AK8: variants seen among roughly 807,000 people sequenced by gnomAD.
The protein encoded by AK8 is adenylate kinase 8, also known as ATP-AMP transphosphorylase 8.
A neutral mutation model predicts 54.6 loss-of-function variants in AK8; 44 were observed. That is an observed-to-expected ratio of 0.81 (90% CI 0.63 to 1.04). The LOEUF (loss-of-function observed/expected upper bound fraction) is 1.04, where lower values mean the gene tolerates loss of function less well. Among genes scored for constraint, AK8 ranks in the 50% least tolerant of loss-of-function variants. The probability of loss-of-function intolerance (pLI) is 0.00; values close to 1 mark genes in which losing one functional copy is unlikely to be tolerated. For synonymous variants in AK8, 239 were observed against 245.6 expected (o/e 0.97, Z 0.25); for missense variants, 555 against 613.6 (o/e 0.90, Z 1.01).
intron 5 of AK8, among the ~76,000 whole-genome samples, chr9:132,847,224 T>C (rs1842787086): frequency 1.3e-5 from 2 of 152,160 alleles, no homozygotes; most frequent in Admixed American, 6.5e-5. Flanking sequence ...GATCATAGCA[T>C]CTTCAAAGGA....
intron 9 of AK8, among the ~76,000 whole-genome samples, chr9:132,819,979 A>T (rs1056790023): frequency 6.6e-6 from 1 of 151,794 alleles, no homozygotes; most frequent in African/African-American, 2.4e-5. Context: ...GGCAACATAG[A>T]GAGATTCCCG....
intron 11 of AK8, among the ~76,000 whole-genome samples, chr9:132,772,869 C>CAGGGTGG (rs1839044211): frequency 6.6e-6 from 1 of 152,228 alleles, no homozygotes; most frequent in East Asian, 1.9e-4. Flanking sequence ...TCACCACCTC[C>CAGGGTGG]ACAGCTACCA....
At chr9:132,878,491 G>A (rs1306317280), upstream of AK8, 3 of 1,208,408 alleles carry the variant, frequency 2.5e-6, no homozygotes, top group East Asian at 6.7e-5. This position sits in a 1 kb window ranked among gnomAD's most constrained non-coding sequence, Gnocchi z 4.7. Flanking sequence ...ATCTTAGCGG[G>A]GGACACCCTC....
chr9:132,780,302 T>A (rs558869895), intron 11 of AK8, among the ~76,000 whole-genome samples: 1 of 152,306 alleles, frequency 6.6e-6, no homozygotes, highest in South Asian at 2.1e-4. Context: ...CTTCCAGACC[T>A]GAGGGGACAG....
In AK8 at chr9:132,725,707, A is replaced by T. The variant is rs1414455772; in HGVS notation, c.1421T>A (p.Leu474Gln). The change falls in exon 13 of 13, where the codon CTG (leucine) becomes CAG (glutamine). Residue 474 changes from leucine (L) to glutamine (Q), a missense_variant. By Grantham distance (113) the Leu-to-Gln change is moderately radical. Coordinates refer to ENST00000298545, the MANE Select transcript of AK8 (RefSeq NM_152572.3). ...AACCCATCAGGGGATTTTCTTGGGC[A>T]GGGGATTAATGATCCCACTCTCGAT... The part of the protein sequence containing the change: ...EYIESGIINP[L>Q]PKKIP 6.3e-7 allele frequency: 1 copy of T among 1,576,986 alleles called. No homozygotes were observed. Among genetic ancestry groups the T allele is most frequent in the South Asian group, 1.2e-5 (1 of 86,366 alleles).
At chr9:132,828,146 A>G (rs530817390) in intron 6 of AK8, 62 bp from the exon 7 acceptor site, 3 of 1,431,094 alleles carry the variant, frequency 2.1e-6, no homozygotes, top group East Asian at 5.0e-5. Flanking sequence ...ACACATTTGA[A>G]TATCACAGAC....
At chr9:132,755,549 C>G (rs1838147395) in intron 11 of AK8, among the ~76,000 whole-genome samples, 1 of 152,214 alleles carries the variant, frequency 6.6e-6, no homozygotes, top group African/African-American at 2.4e-5. Flanking sequence ...TCTTCAGAGC[C>G]TGCACCGTGT....
chr9:132,872,869 T>C (rs3011263), intron 2 of AK8, among the ~76,000 whole-genome samples: 54,446 of 152,198 alleles, frequency 0.36, 11,801 homozygotes, highest in South Asian at 0.58. Flanking sequence ...TGCAGTGCAG[T>C]GGCGTGATCT....
chr9:132,826,847 T>C lies in AK8; in HGVS notation c.757+7A>G. The C allele has an allele frequency of 6.2e-7, 1 of 1,614,132 alleles. No homozygotes were observed. The highest frequency in any genetic ancestry group is 8.5e-7 in the Non-Finnish European group (1 of 1,179,970). ...TGTCCAGGGTGGGGCTGCCTGCTTGTGTTTACCCTGGTAGAAGACGTCCAC... is the reference window on the plus strand; with the variant it reads ...TGTCCAGGGTGGGGCTGCCTGCTTGCGTTTACCCTGGTAGAAGACGTCCAC... On this transcript the variant is annotated splice_region_variant and intron_variant, in intron 8 of 12. Coordinates refer to ENST00000298545, the MANE Select transcript of AK8 (RefSeq NM_152572.3). This position sits in a 1 kb window ranked among gnomAD's most constrained non-coding sequence, Gnocchi z 4.5.
intron 9 of AK8, among the ~76,000 whole-genome samples, chr9:132,821,726 C>CAA (rs1554797716): frequency 1.0e-5 from 1 of 99,822 alleles, no homozygotes; most frequent in African/African-American, 4.6e-5. Flanking sequence ...TATGTATATA[C>CAA]ATATATGTAT....
At chr9:132,787,930 G>C (rs1839785219) in intron 11 of AK8, among the ~76,000 whole-genome samples, 1 of 152,042 alleles carries the variant, frequency 6.6e-6, no homozygotes, top group Non-Finnish European at 1.5e-5. Context: ...AGAAAGCCAA[G>C]GGGAATTCCT....
chr9:132,798,035 G>A (rs1840259793), intron 10 of AK8, among the ~76,000 whole-genome samples: 1 of 152,204 alleles, frequency 6.6e-6, no homozygotes, highest in Non-Finnish European at 1.5e-5. Context: ...GGGGCTGCGT[G>A]GCTAAGGAAC....
At position 132,799,084 on chromosome 9, in the gene AK8, G is replaced by A. The variant is rs557192678; in HGVS notation, c.980-6309C>T. ...ACATCCAGCTCCAGAGCTGATGGGT[G>A]TGAGTAGGGAAGGGCTCGGAGAGAG... On this transcript the variant is annotated intron_variant, in intron 10 of 12. Transcript: ENST00000298545. The surrounding 1 kb of genome is among the most constrained non-coding windows in gnomAD (Gnocchi z 5.0). Among the ~76,000 whole-genome samples, 1 of 152,298 alleles carries A rather than the reference G, an allele frequency of 6.6e-6. No individual in the cohort carries two copies. The highest frequency in any genetic ancestry group is 2.1e-4 in the South Asian group (1 of 4,828).
chr9:132,803,447 C>T lies in AK8; in HGVS notation c.980-10672G>A, dbSNP rs1840560318. 6.6e-6 allele frequency among the ~76,000 whole-genome samples: 1 copy of T among 152,136 alleles called. No individual in the cohort carries two copies. Among genetic ancestry groups the T allele is most frequent in the Non-Finnish European group, 1.5e-5 (1 of 68,036 alleles). The stretch of plus-strand genomic sequence containing the variant: ...GACTTGCTGTGAGTACCATTACTAC[C>T]ACTAAGATGATGACGATGGCAACTC... On this transcript the variant is annotated intron_variant, in intron 10 of 12. Transcript: ENST00000298545. This position sits in a 1 kb window ranked among gnomAD's most constrained non-coding sequence, Gnocchi z 4.4.
chr9:132,777,454 C>T (rs2131112492), intron 11 of AK8, among the ~76,000 whole-genome samples: 1 of 152,306 alleles, frequency 6.6e-6, no homozygotes, highest in Non-Finnish European at 1.5e-5. Context: ...CACCGGTGTT[C>T]CTTGCCCCTG....
At position 132,791,705 on chromosome 9, in the gene AK8, G is replaced by A. The variant is rs930650597; in HGVS notation, c.1121+929C>T. Among the ~76,000 whole-genome samples the A allele has an allele frequency of 3.9e-5, 6 of 152,168 alleles. No individual in the cohort carries two copies. Among genetic ancestry groups the A allele is most frequent in the African/African-American group, 1.4e-4 (6 of 41,430 alleles). Reference sequence around the variant, plus strand: ...TATTGAGAGACTAAACACACAGTTTGATGATGGTCAGACCATATATAAAAA... The same window carrying A: ...TATTGAGAGACTAAACACACAGTTTAATGATGGTCAGACCATATATAAAAA... On this transcript the variant is annotated intron_variant, in intron 11 of 12. Coordinates refer to ENST00000298545, the MANE Select transcript of AK8 (RefSeq NM_152572.3). This position sits in a 1 kb window ranked among gnomAD's most constrained non-coding sequence, Gnocchi z 4.0.
intron 12 of AK8, 64 bp from the exon 13 acceptor site, chr9:132,725,989 CCTCTA>C: frequency 6.8e-7 from 1 of 1,476,442 alleles, no homozygotes; most frequent in Non-Finnish European, 9.3e-7. Context: ...AGAAAGGGAC[CCTCTA>C]CTCTACTGTG....
At chr9:132,753,242 A>G (rs997902730) in intron 11 of AK8, among the ~76,000 whole-genome samples, 1 of 152,200 alleles carries the variant, frequency 6.6e-6, no homozygotes, top group African/African-American at 2.4e-5. Flanking sequence ...CTAGTAAGCC[A>G]GCTGGTTCTG....
intron 2 of AK8, chr9:132,874,224 C>G (rs1046451667): frequency 6.6e-6 from 1 of 152,248 alleles, no homozygotes; most frequent in African/African-American, 2.4e-5. Context: ...ACCCAAGATT[C>G]CCTTACTCTG....
Sources: allele counts gnomAD v4.1 joint callset (sites outside exome capture counted in the v4.1 genomes callset), GRCh38; gene constraint gnomAD v4.1.1; non-coding constraint Gnocchi (gnomAD v3.1); transcripts MANE v1.5; gene names NCBI Gene and HGNC (gene_info 2026-07-23, HGNC 2026-07-21).